The following VMP1 variants were observed in gnomAD, a reference collection of about 807,000 sequenced individuals.
VMP1 encodes ectopic P-granules autophagy protein 3 homolog.
In VMP1, 11 loss-of-function variants were observed where a neutral mutation model predicts 56.0. The ratio of observed to expected loss-of-function variants is 0.20; its 90% CI spans 0.12 to 0.32. VMP1 has a LOEUF of 0.32. VMP1 is among the 10% of genes least tolerant of loss of function. VMP1 has a pLI of 1.00. For synonymous variants in VMP1, 149 were observed against 165.0 expected, an observed-to-expected ratio of 0.90 and a Z score of 0.74; for missense variants, 296 against 490.3, an observed-to-expected ratio of 0.60 and a Z score of 3.74.
At chr17:59,745,699 C>T (rs777148758) in intron 5 of VMP1, among the ~76,000 whole-genome samples, 2 of 152,154 alleles carry the variant, frequency 1.3e-5, no homozygotes, top group African/African-American at 4.8e-5. Context: ...GTGACATTCT[C>T]ATGTTCTATT....
In VMP1 at chr17:59,744,873, G is replaced by A. The variant is rs544096576; in HGVS notation, c.414+5926G>A. Among the ~76,000 whole-genome samples, 3 of 151,932 alleles carry A rather than the reference G, an allele frequency of 2.0e-5. No individual in the cohort carries two copies. The East Asian group carries it at 5.8e-4, about 29-fold the overall frequency. On this transcript the variant is annotated intron_variant, in intron 5 of 11. Transcript: ENST00000262291. ...TTTAACAGAAAGAATGAAGAAGAAAGAGCATTTATAAAATATAATTTGCAG... is the reference window on the plus strand; with the variant it reads ...TTTAACAGAAAGAATGAAGAAGAAAAAGCATTTATAAAATATAATTTGCAG...
intron 7 of VMP1, among the ~76,000 whole-genome samples, chr17:59,785,381 A>T (rs1328117550): frequency 6.6e-6 from 1 of 152,166 alleles, no homozygotes; most frequent in Non-Finnish European, 1.5e-5. Flanking sequence ...CACCTTTTCA[A>T]AGAATATCGG....
chr17:59,725,500 G>A (rs895248291), intron 1 of VMP1, among the ~76,000 whole-genome samples: 7 of 151,066 alleles, frequency 4.6e-5, no homozygotes, highest in African/African-American at 1.7e-4. Context: ...CTTTTATTTT[G>A]GCTGTTTCAT....
chr17:59,724,399 G>A (rs1484176178), intron 1 of VMP1, among the ~76,000 whole-genome samples: 1 of 151,844 alleles, frequency 6.6e-6, no homozygotes, highest in African/African-American at 2.4e-5. Context: ...TTAATAACTG[G>A]GCTAGGCACA....
chr17:59,747,441 A>G (rs2035465492), intron 5 of VMP1, among the ~76,000 whole-genome samples: 1 of 137,774 alleles, frequency 7.3e-6, no homozygotes, highest in African/African-American at 2.7e-5. Flanking sequence ...ATGGAATCTC[A>G]CTCTGTTGCC....
chr17:59,708,587 A>C (rs1052712198), intron 1 of VMP1, among the ~76,000 whole-genome samples: 1 of 152,182 alleles, frequency 6.6e-6, no homozygotes, highest in Non-Finnish European at 1.5e-5. Context: ...TCCTAATGTT[A>C]ACGTCTTTCA....
chr17:59,829,298 G>A (rs1346382963), intron 10 of VMP1, among the ~76,000 whole-genome samples: 3 of 152,170 alleles, frequency 2.0e-5, no homozygotes, highest in Non-Finnish European at 4.4e-5. Flanking sequence ...AGGGCTGAAA[G>A]GCTGTAGATA....
intron 1 of VMP1, 134 bp from the exon 2 acceptor site, chr17:59,731,286 GA>G (rs560708071): frequency 3.0e-4 from 134 of 444,354 alleles, no homozygotes; most frequent in African/African-American, 1.9e-3. Flanking sequence ...GGTTATAAAA[GA>G]AAAAAAGTGT....
chr17:59,722,425 C>T (rs1245751293), intron 1 of VMP1, among the ~76,000 whole-genome samples: 1 of 152,070 alleles, frequency 6.6e-6, no homozygotes, highest in African/African-American at 2.4e-5. Context: ...TAAAACCAGT[C>T]CCCTTAAATT....
chr17:59,756,881 T>G (rs2035860240), intron 5 of VMP1, among the ~76,000 whole-genome samples: 1 of 152,204 alleles, frequency 6.6e-6, no homozygotes, highest in African/African-American at 2.4e-5. Context: ...TGGTATACTG[T>G]TTTTCTTGAT....
intron 1 of VMP1, among the ~76,000 whole-genome samples, chr17:59,726,080 T>C (rs1415276462): frequency 6.6e-6 from 1 of 152,190 alleles, no homozygotes; most frequent in Non-Finnish European, 1.5e-5. Flanking sequence ...TTGTGCCCTG[T>C]TTATCTTTTC....
intron 10 of VMP1, among the ~76,000 whole-genome samples, chr17:59,834,309 G>A (rs1430143145): frequency 6.7e-6 from 1 of 148,362 alleles, no homozygotes; most frequent in African/African-American, 2.5e-5. Context: ...GTTGCCCAGG[G>A]TAGAGTGCAA....
intron 10 of VMP1, among the ~76,000 whole-genome samples, chr17:59,832,894 A>T (rs967461997): frequency 2.3e-4 from 35 of 151,276 alleles, no homozygotes; most frequent in Non-Finnish European, 3.8e-4. Context: ...TACAGGCATG[A>T]ACCACCATGC....
At chr17:59,756,812 T>C (rs559917204) in intron 5 of VMP1, among the ~76,000 whole-genome samples, 40 of 152,240 alleles carry the variant, frequency 2.6e-4, no homozygotes, top group Non-Finnish European at 5.4e-4. Flanking sequence ...TTAAAAGATA[T>C]CTCTGTAAGA....
chr17:59,734,522 C>T (rs1242585511), intron 2 of VMP1, among the ~76,000 whole-genome samples: 2 of 152,140 alleles, frequency 1.3e-5, no homozygotes, highest in African/African-American at 2.4e-5. Context: ...CACTTGAGGT[C>T]AGGAGTTTCA....
At chr17:59,751,922 T>G (rs2035667276) in intron 5 of VMP1, among the ~76,000 whole-genome samples, 1 of 151,926 alleles carries the variant, frequency 6.6e-6, no homozygotes, top group Non-Finnish European at 1.5e-5. Flanking sequence ...TCAAGAGATC[T>G]TCCCACCTCA....
intron 7 of VMP1, among the ~76,000 whole-genome samples, chr17:59,789,688 T>C (rs1006420249): frequency 5.3e-5 from 8 of 152,150 alleles, no homozygotes; most frequent in Non-Finnish European, 1.0e-4. Flanking sequence ...ATGGAAGACC[T>C]GGACAGCAGA....
chr17:59,721,534 C>T (rs2034395796), intron 1 of VMP1, among the ~76,000 whole-genome samples: 1 of 152,020 alleles, frequency 6.6e-6, no homozygotes, highest in Non-Finnish European at 1.5e-5. Flanking sequence ...CTAGATTAGT[C>T]ACTGTTGCAG....
At chr17:59,800,949 G>A (rs966273247) in intron 7 of VMP1, among the ~76,000 whole-genome samples, 12 of 151,666 alleles carry the variant, frequency 7.9e-5, no homozygotes, top group Non-Finnish European at 1.5e-4. Flanking sequence ...GCCTGGTAGC[G>A]CGTGCCTGTA....
Sources: allele counts gnomAD v4.1 joint callset (sites outside exome capture counted in the v4.1 genomes callset), GRCh38; gene constraint gnomAD v4.1.1; transcripts MANE v1.5; gene names NCBI Gene and HGNC (gene_info 2026-07-23, HGNC 2026-07-21).